The following ANKRD46 variants were observed in gnomAD, a reference collection of about 807,000 sequenced individuals.
The protein encoded by ANKRD46 is ankyrin repeat domain 46, also known as ankyrin repeat domain-containing protein 46.
ANKRD46 carries 13 observed loss-of-function variants against 19.8 expected under a neutral mutation model. The ratio of observed to expected loss-of-function variants is 0.66; its 90% CI spans 0.43 to 1.04. ANKRD46 has a LOEUF of 1.04. Ranked by LOEUF, ANKRD46 falls within the 50% of genes least tolerant of loss-of-function variation. The probability of loss-of-function intolerance (pLI) is 0.00; values close to 1 mark genes in which losing one functional copy is unlikely to be tolerated. For missense variants in ANKRD46, 185 were observed against 274.8 expected (o/e 0.67, Z 2.31); for synonymous variants, 91 against 106.9 (o/e 0.85, Z 0.92).
At chr8:100,547,876 C>A (rs1452624550) in intron 1 of ANKRD46, among the ~76,000 whole-genome samples, 1 of 152,224 alleles carries the variant, frequency 6.6e-6, no homozygotes. Flanking sequence ...CAATTTTATA[C>A]ATGAAGTTTT....
chr8:100,512,326 G>C (rs1023518710), intron 5 of ANKRD46, among the ~76,000 whole-genome samples: 2 of 152,182 alleles, frequency 1.3e-5, no homozygotes, highest in African/African-American at 4.8e-5. Flanking sequence ...GGCTAGGGCA[G>C]GGCAGGCCTT....
In ANKRD46 at chr8:100,525,701, C is replaced by G. The variant is rs182634530; in HGVS notation, c.470+2144G>C. ...CTATTATGAATAATGCTGCTATGAA[C>G]ATTCATATATAAGTTTTGTGTGGAC... On this transcript the variant is annotated intron_variant, in intron 4 of 4. Coordinates refer to ENST00000335659, the MANE Select transcript of ANKRD46 (RefSeq NM_001270377.2). The surrounding 1 kb of genome is among the most constrained non-coding windows in gnomAD (Gnocchi z 4.4). Among the ~76,000 whole-genome samples the G allele has an allele frequency of 9.4e-4, 143 of 152,172 alleles. No homozygotes were observed. Among genetic ancestry groups the G allele is most frequent in the Admixed American group, 5.4e-3 (83 of 15,288 alleles).
downstream of ANKRD46, among the ~76,000 whole-genome samples, chr8:100,520,381 GC>G (rs916915977): frequency 6.6e-6 from 1 of 152,156 alleles, no homozygotes; most frequent in African/African-American, 2.4e-5. Context: ...TGGGGCTGGA[GC>G]CTCAATCTGG....
In ANKRD46 at chr8:100,550,193, T is replaced by C. The variant is rs975937805; in HGVS notation, c.-131+9518A>G. ...TTTGGGTAAATACCAAGGAGCATGATTGCTGGATGGTAAGAGTATGTTTAG... is the reference window on the plus strand; with the variant it reads ...TTTGGGTAAATACCAAGGAGCATGACTGCTGGATGGTAAGAGTATGTTTAG... On this transcript the variant is annotated intron_variant, in intron 1 of 4. Transcript: ENST00000335659. The surrounding 1 kb of genome is among the most constrained non-coding windows in gnomAD (Gnocchi z 4.4). 5.9e-5 allele frequency among the ~76,000 whole-genome samples: 9 copies of C among 152,222 alleles called. No homozygotes were observed. The East Asian group carries it at 1.7e-3, about 29-fold the overall frequency.
chr8:100,523,145 T>C (rs775984019), intron 4 of ANKRD46, among the ~76,000 whole-genome samples: 5 of 134,836 alleles, frequency 3.7e-5, no homozygotes, highest in African/African-American at 5.7e-5. Context: ...CTGGGTAACA[T>C]AGCGAGACAC....
In ANKRD46 at chr8:100,550,112, A is replaced by G. The variant is rs1238497270; in HGVS notation, c.-131+9599T>C. Among the ~76,000 whole-genome samples, 3 of 152,214 alleles carry G rather than the reference A, an allele frequency of 2.0e-5. No individual in the cohort carries two copies. The highest frequency in any genetic ancestry group is 7.2e-5 in the African/African-American group (3 of 41,450). Reference sequence around the variant, plus strand: ...TGCTTCCATGTTCTGGCAATTATGAATAAGGCTGACATGAACACCCACATG... The same window carrying G: ...TGCTTCCATGTTCTGGCAATTATGAGTAAGGCTGACATGAACACCCACATG... On this transcript the variant is annotated intron_variant, in intron 1 of 4. Coordinates refer to ENST00000335659, the MANE Select transcript of ANKRD46 (RefSeq NM_001270377.2). This position sits in a 1 kb window ranked among gnomAD's most constrained non-coding sequence, Gnocchi z 4.4.
At chr8:100,520,721 A>G, downstream of ANKRD46, 1 of 866,998 alleles carries the variant, frequency 1.2e-6, no homozygotes, top group South Asian at 5.3e-5. Context: ...CAAAATCCCC[A>G]AATTAAAACT....
intron 1 of ANKRD46, among the ~76,000 whole-genome samples, chr8:100,533,530 C>T (rs1812005069): frequency 6.6e-6 from 1 of 152,100 alleles, no homozygotes; most frequent in Non-Finnish European, 1.5e-5. Context: ...GGCCCACAAA[C>T]AAGAAAGCAA....
chr8:100,516,092 G>C (rs926437148), downstream of ANKRD46, among the ~76,000 whole-genome samples: 1 of 152,008 alleles, frequency 6.6e-6, no homozygotes, highest in Non-Finnish European at 1.5e-5. Flanking sequence ...GGCTGGTCTC[G>C]AACTCTCGAC....
intron 1 of ANKRD46, among the ~76,000 whole-genome samples, chr8:100,538,890 G>A (rs1353145918): frequency 6.6e-6 from 1 of 152,132 alleles, no homozygotes; most frequent in Non-Finnish European, 1.5e-5. Flanking sequence ...ACTAAGGGAT[G>A]ACTGTATTCT....
At chr8:100,531,446 A>C (rs902773538) in intron 2 of ANKRD46, among the ~76,000 whole-genome samples, 5 of 152,094 alleles carry the variant, frequency 3.3e-5, no homozygotes, top group African/African-American at 4.8e-5. Flanking sequence ...CCATTGTCCC[A>C]AAATCTGGGG....
In ANKRD46 at chr8:100,527,831, T is replaced by A. The variant is rs745846811; in HGVS notation, c.470+14A>T. The A allele has an allele frequency of 6.2e-7, 1 of 1,605,908 alleles. No homozygotes were observed. The highest frequency in any genetic ancestry group is 8.5e-7 in the Non-Finnish European group (1 of 1,177,066). Reference sequence around the variant, plus strand: ...AGTAATACAGTGAGAAAAAAAAAGTTGTATCTCCAGTACCTTTCACTCTCA... The same window carrying A: ...AGTAATACAGTGAGAAAAAAAAAGTAGTATCTCCAGTACCTTTCACTCTCA... On this transcript the variant is annotated intron_variant, in intron 4 of 4. Transcript: ENST00000335659. The surrounding 1 kb of genome is among the most constrained non-coding windows in gnomAD (Gnocchi z 4.0).
In ANKRD46 at chr8:100,527,545, C is replaced by A. The variant is rs731082; in HGVS notation, c.470+300G>T. ...AGCAGGTGGCTAACAGAACATTATG[C>A]GCACATGACATGTAGTACTTTCTGT... On this transcript the variant is annotated intron_variant, in intron 4 of 4. Coordinates refer to ENST00000335659, the MANE Select transcript of ANKRD46 (RefSeq NM_001270377.2). The surrounding 1 kb of genome is among the most constrained non-coding windows in gnomAD (Gnocchi z 4.0). Among the ~76,000 whole-genome samples the A allele has an allele frequency of 2.0e-5, 3 of 152,008 alleles. No homozygotes were observed. The highest frequency in any genetic ancestry group is 4.4e-5 in the Non-Finnish European group (3 of 68,012).
rs1237213014 is a variant in ANKRD46, at chr8:100,524,872, A to G, written c.471-2101T>C. On this transcript the variant is annotated intron_variant, in intron 4 of 4. Transcript: ENST00000335659. This position sits in a 1 kb window ranked among gnomAD's most constrained non-coding sequence, Gnocchi z 4.3. ...TACTGTCCAGGGAATATCTGATTCT[A>G]ACATAATGGGGTGTGTGTATAATCT... Among the ~76,000 whole-genome samples the G allele has an allele frequency of 6.6e-6, 1 of 152,206 alleles. No homozygotes were observed. Among genetic ancestry groups the G allele is most frequent in the Non-Finnish European group, 1.5e-5 (1 of 68,028 alleles).
rs2130695583 is a variant in ANKRD46 at position 100,546,611 on chromosome 8, G to A, written c.-131+13100C>T. ...TGCTGGGGCAGTGTGGAAGGGAAAT[G>A]TAGGGTTGGAGCCCCCACACAGAGT... On this transcript the variant is annotated intron_variant, in intron 1 of 4. Coordinates refer to ENST00000335659, the MANE Select transcript of ANKRD46 (RefSeq NM_001270377.2). The surrounding 1 kb of genome is among the most constrained non-coding windows in gnomAD (Gnocchi z 4.0). Among the ~76,000 whole-genome samples the A allele has an allele frequency of 6.6e-6, 1 of 152,380 alleles. No individual in the cohort carries two copies. The highest frequency in any genetic ancestry group is 2.1e-4 in the South Asian group (1 of 4,832).
chr8:100,511,479 G>A lies in ANKRD46; in HGVS notation c.637-840C>T, dbSNP rs930392072. 6.6e-6 allele frequency among the ~76,000 whole-genome samples: 1 copy of A among 151,978 alleles called. No individual in the cohort carries two copies. The highest frequency in any genetic ancestry group is 1.5e-5 in the Non-Finnish European group (1 of 67,990). On this transcript the variant is annotated intron_variant, in intron 5 of 5. Coordinates refer to the ANKRD46 transcript ENST00000520552. This position sits in a 1 kb window ranked among gnomAD's most constrained non-coding sequence, Gnocchi z 4.1. ...GTGTGTGTCCTGTGGTGTACTGAGGGTAGGCATGTCATCTCATCCTTTCAC... is the reference window on the plus strand; with the variant it reads ...GTGTGTGTCCTGTGGTGTACTGAGGATAGGCATGTCATCTCATCCTTTCAC...
rs1479063173 is a variant in ANKRD46, at chr8:100,534,702, T to TATGG, written c.-130-1395_-130-1392dup. 6.6e-6 allele frequency among the ~76,000 whole-genome samples: 1 copy of TATGG among 152,244 alleles called. No homozygotes were observed. Among genetic ancestry groups the TATGG allele is most frequent in the Admixed American group, 6.5e-5 (1 of 15,280 alleles). ...CATCTAGAGATGGAATTATAGTTCATATGGTCATGCCCCCAAATAATCCTA... is the reference window on the plus strand; with the variant it reads ...CATCTAGAGATGGAATTATAGTTCATATGGATGGTCATGCCCCCAAATAATCCTA... On this transcript the variant is annotated intron_variant, in intron 1 of 4. Coordinates refer to ENST00000335659, the MANE Select transcript of ANKRD46 (RefSeq NM_001270377.2). This position sits in a 1 kb window ranked among gnomAD's most constrained non-coding sequence, Gnocchi z 4.2.
intron 1 of ANKRD46, among the ~76,000 whole-genome samples, chr8:100,552,750 T>G (rs1563493462): frequency 1.3e-5 from 2 of 152,252 alleles, no homozygotes; most frequent in African/African-American, 2.4e-5. Context: ...ATTTTTATAT[T>G]TCATAGATAG....
At position 100,534,181 on chromosome 8, in the gene ANKRD46, T is replaced by C. The variant is rs766671285; in HGVS notation, c.-130-870A>G. On this transcript the variant is annotated intron_variant, in intron 1 of 4. Coordinates refer to ENST00000335659, the MANE Select transcript of ANKRD46 (RefSeq NM_001270377.2). The surrounding 1 kb of genome is among the most constrained non-coding windows in gnomAD (Gnocchi z 4.2). ...TTTTACCGATCATCCTTGTTCATTG[T>C]TATCAAATCCCTGTGAACAAATTTA... 6.6e-6 allele frequency among the ~76,000 whole-genome samples: 1 copy of C among 152,248 alleles called. No individual in the cohort carries two copies. The highest frequency in any genetic ancestry group is 2.4e-5 in the African/African-American group (1 of 41,474).
Sources: gnomAD v4.1 joint callset for allele counts (sites outside exome capture counted in the v4.1 genomes callset) on GRCh38, gnomAD v4.1.1 for gene constraint, Gnocchi (gnomAD v3.1) non-coding constraint, MANE v1.5 for transcripts, NCBI Gene and HGNC (gene_info 2026-07-23, HGNC 2026-07-21) for gene names.